The following KIAA1217 variants were observed in gnomAD, a reference collection of about 807,000 sequenced individuals.
The protein encoded by KIAA1217 is sickle tail protein homolog.
A neutral mutation model predicts 163.9 loss-of-function variants in KIAA1217; 88 were observed. The observed-to-expected ratio is 0.54, with a 90% CI of 0.45 to 0.64. The LOEUF is 0.64. Among genes scored for constraint, KIAA1217 ranks in the 30% least tolerant of loss-of-function variants. The pLI is 0.00. For missense variants in KIAA1217, 2,372 were observed against 2,475.0 expected (o/e 0.96, Z 0.88); for synonymous variants, 903 against 923.1 (o/e 0.98, Z 0.39).
intron 1 of KIAA1217, among the ~76,000 whole-genome samples, chr10:23,960,311 T>C (rs773194538): frequency 2.0e-5 from 3 of 151,680 alleles, no homozygotes; most frequent in African/African-American, 7.3e-5. Context: ...AAGGCTGGAG[T>C]GCAGTGGTGA....
chr10:23,819,788 A>G (rs1837534438), intron 1 of KIAA1217, among the ~76,000 whole-genome samples: 1 of 152,146 alleles, frequency 6.6e-6, no homozygotes, highest in Non-Finnish European at 1.5e-5. Context: ...TATATGCTAT[A>G]TGGAGCCTTG....
chr10:24,197,351 A>T (rs2130502615), intron 2 of KIAA1217, among the ~76,000 whole-genome samples: 1 of 152,338 alleles, frequency 6.6e-6, no homozygotes, highest in South Asian at 2.1e-4. Flanking sequence ...TGGAAAAAAG[A>T]TGGTGTTGGC....
intron 3 of KIAA1217, among the ~76,000 whole-genome samples, chr10:24,398,932 C>T (rs971234794): frequency 6.6e-6 from 1 of 152,174 alleles, no homozygotes; most frequent in African/African-American, 2.4e-5. Flanking sequence ...TTCCCTGGTA[C>T]TGGCTGCGAC....
chr10:24,517,076 A>G (rs1277314721), intron 10 of KIAA1217, among the ~76,000 whole-genome samples: 3 of 152,032 alleles, frequency 2.0e-5, no homozygotes, highest in Admixed American at 1.3e-4. Flanking sequence ...CCAGCTACTC[A>G]GGAAGCTGAG....
At chr10:24,418,421 AT>A (rs1051834396) in intron 3 of KIAA1217, among the ~76,000 whole-genome samples, 2 of 152,144 alleles carry the variant, frequency 1.3e-5, no homozygotes, top group African/African-American at 2.4e-5. Flanking sequence ...AAAAAGAATA[AT>A]TTTTTCCCAA....
At chr10:23,934,557 G>GTATATATA (rs778185120) in intron 1 of KIAA1217, among the ~76,000 whole-genome samples, 167 of 44,324 alleles carry the variant, frequency 3.8e-3, no homozygotes, top group Non-Finnish European at 5.4e-3. Flanking sequence ...GGTCTTTAAA[G>GTATATATA]TATATATATA....
chr10:23,992,405 T>C (rs1018449141), intron 1 of KIAA1217, among the ~76,000 whole-genome samples: 1 of 152,096 alleles, frequency 6.6e-6, no homozygotes, highest in African/African-American at 2.4e-5. Context: ...GCCTACCCCA[T>C]TGCCATCTTT....
In KIAA1217 at chr10:24,547,129, T is replaced by C. The variant is rs1221615448; in HGVS notation, c.*805T>C. ...TTTCTTTGGCGTATCTAACCCCTTC[T>C]TTTGTTTTCTGAGACCTGGTAACCC... is the stretch of plus-strand genomic sequence containing the variant. On this transcript the variant is annotated 3_prime_UTR_variant, in exon 21 of 21. Transcript: ENST00000376454. 1 of 151,828 alleles carries C rather than the reference T, an allele frequency of 6.6e-6. No individual in the cohort carries two copies. Among genetic ancestry groups the C allele is most frequent in the Non-Finnish European group, 1.5e-5 (1 of 67,902 alleles). The allele number at this position is 151,828 out of a possible 1,614,324, so 9.4% of individuals were successfully genotyped here.
chr10:24,109,916 A>C (rs2131740498), intron 2 of KIAA1217, among the ~76,000 whole-genome samples: 1 of 152,362 alleles, frequency 6.6e-6, no homozygotes, highest in South Asian at 2.1e-4. Context: ...CCCAGGCAAG[A>C]GTGCAGTGGC....
intron 2 of KIAA1217, among the ~76,000 whole-genome samples, chr10:24,378,634 A>G (rs573604330): frequency 1.8e-5 from 2 of 109,192 alleles, no homozygotes; most frequent in Non-Finnish European, 3.4e-5. Context: ...TGCTATTTTG[A>G]CTTTTTTTTT....
At chr10:23,812,529 T>C (rs998110849) in intron 1 of KIAA1217, among the ~76,000 whole-genome samples, 2 of 152,202 alleles carry the variant, frequency 1.3e-5, no homozygotes, top group African/African-American at 4.8e-5. Context: ...TGAAATAGTA[T>C]AAAATTCACA....
intron 2 of KIAA1217, among the ~76,000 whole-genome samples, chr10:24,232,607 A>T (rs115495130): frequency 0.012 from 1,875 of 152,230 alleles, 31 homozygotes; most frequent in African/African-American, 0.042. Context: ...GGAAATTTTC[A>T]GTGTTGAGGG....
chr10:24,071,135 A>G (rs1038596073), intron 2 of KIAA1217, among the ~76,000 whole-genome samples: 1 of 152,196 alleles, frequency 6.6e-6, no homozygotes, highest in African/African-American at 2.4e-5. Context: ...ATTACTGAAG[A>G]TAATATGAAG....
At chr10:24,189,787 G>C (rs2066627764) in intron 2 of KIAA1217, among the ~76,000 whole-genome samples, 1 of 152,162 alleles carries the variant, frequency 6.6e-6, no homozygotes, top group Admixed American at 6.5e-5. Context: ...AGGCCAAGGT[G>C]AGAGGATTGC....
At chr10:24,220,754 C>CTTT (rs58991505) in intron 2 of KIAA1217, among the ~76,000 whole-genome samples, 6 of 74,206 alleles carry the variant, frequency 8.1e-5, no homozygotes, top group South Asian at 4.4e-4. Context: ...GCACCCCGGC[C>CTTT]TTTTTTTTTT....
chr10:24,464,184 C>T (rs2062706856), intron 5 of KIAA1217, among the ~76,000 whole-genome samples: 1 of 152,186 alleles, frequency 6.6e-6, no homozygotes, highest in Non-Finnish European at 1.5e-5. Context: ...CTTGGGTGAG[C>T]TTGGCGCTTG....
intron 3 of KIAA1217, among the ~76,000 whole-genome samples, chr10:24,432,141 T>A (rs1219637352): frequency 4.1e-5 from 5 of 120,810 alleles, no homozygotes; most frequent in African/African-American, 1.6e-4. Context: ...TTTTTTTTTT[T>A]AAGATGGAGT....
intron 1 of KIAA1217, among the ~76,000 whole-genome samples, chr10:23,823,730 T>A (rs1837734792): frequency 6.6e-6 from 1 of 152,120 alleles, no homozygotes; most frequent in African/African-American, 2.4e-5. Context: ...ATAAAAGTAT[T>A]CAATAAGAGT....
At chr10:23,974,955 G>A (rs775919814) in intron 1 of KIAA1217, among the ~76,000 whole-genome samples, 11 of 151,354 alleles carry the variant, frequency 7.3e-5, no homozygotes, top group Admixed American at 2.6e-4. Flanking sequence ...TCTTTTTCAC[G>A]AGCCCTGGGT....
Sources: gnomAD v4.1 joint callset for allele counts (sites outside exome capture counted in the v4.1 genomes callset) on GRCh38, gnomAD v4.1.1 for gene constraint, MANE v1.5 for transcripts, NCBI Gene and HGNC (gene_info 2026-07-23, HGNC 2026-07-21) for gene names.